PNPLA7: variants seen among roughly 807,000 people sequenced by gnomAD.
PNPLA7 encodes the protein patatin like domain 7, lysophospholipase, also known as patatin-like phospholipase domain-containing protein 7.
Under a neutral mutation model 161.7 loss-of-function variants are expected in PNPLA7, and 153 were observed. The ratio of observed to expected loss-of-function variants is 0.95; its 90% CI spans 0.83 to 1.08. The LOEUF (loss-of-function observed/expected upper bound fraction) is 1.08. Among genes scored for constraint, PNPLA7 ranks in the 50% least tolerant of loss-of-function variants. PNPLA7 has a pLI of 0.00. For synonymous variants in PNPLA7, 809 were observed against 782.1 expected (o/e 1.03, Z -0.57); for missense variants, 1,739 against 1,856.6 (o/e 0.94, Z 1.16).
intron 8 of PNPLA7, among the ~76,000 whole-genome samples, chr9:137,529,013 G>A (rs1018471381): frequency 6.6e-6 from 1 of 151,432 alleles, no homozygotes; most frequent in Admixed American, 6.6e-5. Flanking sequence ...TTTATTTTTT[G>A]AGAAACTGTC....
chr9:137,483,151 C>T (rs557125524), intron 21 of PNPLA7, among the ~76,000 whole-genome samples: 52 of 152,270 alleles, frequency 3.4e-4, no homozygotes, highest in African/African-American at 1.2e-3. Flanking sequence ...GGATTACAGG[C>T]GTGAGCCACC....
At chr9:137,478,601 G>A (rs953310102) in intron 24 of PNPLA7, 16 of 172,824 alleles carry the variant, frequency 9.3e-5, no homozygotes, top group African/African-American at 3.5e-4. Flanking sequence ...TGAGGACACC[G>A]GAATTAAAAG....
intron 20 of PNPLA7, 40 bp downstream of exon 20, chr9:137,492,972 GA>G (rs756295315): frequency 1.3e-6 from 2 of 1,592,396 alleles, no homozygotes; most frequent in Non-Finnish European, 1.7e-6. Flanking sequence ...AGGACTGGGT[GA>G]GGGCTCCCAG....
intron 25 of PNPLA7, among the ~76,000 whole-genome samples, chr9:137,477,775 C>G (rs563924121): frequency 1.4e-4 from 22 of 152,216 alleles, no homozygotes; most frequent in Middle Eastern, 3.2e-3. Flanking sequence ...ACAGTCAAAA[C>G]GAGATATGTC....
At chr9:137,474,856 C>CAAAA (rs750987273) in intron 25 of PNPLA7, among the ~76,000 whole-genome samples, 12 of 107,316 alleles carry the variant, frequency 1.1e-4, no homozygotes, top group African/African-American at 3.7e-4. Flanking sequence ...ACTAAAAATA[C>CAAAA]AAAAAAAAAA....
Position 137,541,333 on chromosome 9 carries a change from C to T in PNPLA7, c.667-611G>A. 3 of 792,726 alleles carry T rather than the reference C, an allele frequency of 3.8e-6. No homozygotes were observed. Among genetic ancestry groups the T allele is most frequent in the Non-Finnish European group, 4.6e-6 (3 of 653,930 alleles). The allele number at this position is 792,726 out of a possible 1,614,324, so 49.1% of individuals were successfully genotyped here. On this transcript the variant is annotated intron_variant, in intron 7 of 34. Coordinates refer to ENST00000406427, the MANE Select transcript of PNPLA7 (RefSeq NM_001098537.3). This position sits in a 1 kb window ranked among gnomAD's most constrained non-coding sequence, Gnocchi z 4.4. ...CTTCACCAGCTGGGCGGCCTCATCC[C>T]CAGGAGCTACTGGCTCCAGCTTCCC...
chr9:137,462,136 G>A lies in PNPLA7; in HGVS notation c.3645+43C>T, dbSNP rs372911107. 4.6e-5 allele frequency: 70 copies of A among 1,533,232 alleles called. No individual in the cohort carries two copies. In the African/African-American group the frequency reaches 6.0e-4, roughly 13 times the overall value. 95.0% of individuals were successfully genotyped at this position (1,533,232 alleles called of 1,614,324 possible). A position where few individuals can be genotyped will look rare whatever the true frequency, so the allele number is the denominator to read the frequency against. ...GAAGCGAGGAGGGGCAGCCACCAGA[G>A]TGCCTCCGCCCGCCTCCGCCGCCGC... On this transcript the variant is annotated intron_variant, in intron 31 of 34. Transcript: ENST00000406427.
In PNPLA7 at chr9:137,461,995, C is replaced by A; in HGVS notation, c.3692G>T (p.Arg1231Leu). The change falls in exon 32 of 35, where the codon CGC (arginine) becomes CTC (leucine). Residue 1231 changes from arginine (R) to leucine (L), a missense_variant. Physicochemically the swap from Arg to Leu is moderately radical, Grantham distance 102. Transcript: ENST00000406427. The stretch of plus-strand genomic sequence containing the variant: ...GAGCATCTTCTCCAGCACGCCGCTG[C>A]GGCCCCAGATGTCAAACACCGTGCG... Reference protein sequence around the residue: ...HGRTVFDIWGRSGVLEKMLRD... With the variant: ...HGRTVFDIWGLSGVLEKMLRD... 1 of 1,603,080 alleles carries A rather than the reference C, an allele frequency of 6.2e-7. No homozygotes were observed. Among genetic ancestry groups the A allele is most frequent in the East Asian group, 2.3e-5 (1 of 44,288 alleles).
At chr9:137,465,611 T>C (rs1047133632) in intron 26 of PNPLA7, among the ~76,000 whole-genome samples, 3 of 152,242 alleles carry the variant, frequency 2.0e-5, no homozygotes, top group Admixed American at 6.5e-5. Context: ...TGACTCATTT[T>C]AGGGAAAGAA....
rs1832722982 is a variant in PNPLA7, at chr9:137,490,725, A to G, written c.2197+2288T>C. ...CCAGAAGGAAACCTGAGATGCCGCA[A>G]ATGAAAGAAGAGCAGGAGGACGGTG... On this transcript the variant is annotated intron_variant, in intron 20 of 34. Transcript: ENST00000406427. This position sits in a 1 kb window ranked among gnomAD's most constrained non-coding sequence, Gnocchi z 4.1. Among the ~76,000 whole-genome samples the G allele has an allele frequency of 6.6e-6, 1 of 152,216 alleles. No individual in the cohort carries two copies. The highest frequency in any genetic ancestry group is 2.1e-4 in the South Asian group (1 of 4,834).
At chr9:137,470,244 G>A (rs997618791) in intron 25 of PNPLA7, among the ~76,000 whole-genome samples, 3 of 152,074 alleles carry the variant, frequency 2.0e-5, no homozygotes, top group South Asian at 4.2e-4. Flanking sequence ...TGGAACTCTC[G>A]GGCTCAAGAA....
At chr9:137,505,085 G>A (rs1331920700) in intron 14 of PNPLA7, among the ~76,000 whole-genome samples, 1 of 150,696 alleles carries the variant, frequency 6.6e-6, no homozygotes. Context: ...CTACTTGGGA[G>A]GCTGAGGCAG....
chr9:137,472,013 A>G (rs1228520016), intron 25 of PNPLA7, among the ~76,000 whole-genome samples: 1 of 152,030 alleles, frequency 6.6e-6, no homozygotes, highest in East Asian at 1.9e-4. Flanking sequence ...ATTGTCACTA[A>G]GGATAGAGAA....
In PNPLA7 at chr9:137,495,118, G is replaced by A. The variant is rs747765291; in HGVS notation, c.2042C>T (p.Ala681Val). 6 of 1,605,648 alleles carry A rather than the reference G, an allele frequency of 3.7e-6. No homozygotes were observed. The Admixed American group carries it at 5.0e-5, about 13-fold the overall frequency. ...VVETLTHQAR[A>V]TTVHAVRDSE... ...GTCCCGAACGGCATGCACCGTGGTC[G>A]CCCGGGCCTGGTGGGTCAGTGTCTC... The change falls in exon 19 of 35, where the codon GCG (alanine) becomes GTG (valine). Residue 681 changes from alanine (A) to valine (V), a missense_variant. Physicochemically the swap from Ala to Val is moderately conservative, Grantham distance 64. Around this residue, in one of 6 missense-constraint regions of PNPLA7, gnomAD observed 192 missense variants for 249.5 expected, o/e 0.77. Coordinates refer to ENST00000406427, the MANE Select transcript of PNPLA7 (RefSeq NM_001098537.3).
chr9:137,534,528 ACAG>A (rs1291118466), intron 8 of PNPLA7, among the ~76,000 whole-genome samples: 1 of 152,228 alleles, frequency 6.6e-6, no homozygotes, highest in Admixed American at 6.5e-5. Context: ...CAGTGCCACC[ACAG>A]CAGAACATAC....
chr9:137,463,507 G>A lies in PNPLA7; in HGVS notation c.3251C>T (p.Ala1084Val). The A allele has an allele frequency of 6.3e-7, 1 of 1,587,310 alleles. No homozygotes were observed. Among genetic ancestry groups the A allele is most frequent in the Non-Finnish European group, 8.6e-7 (1 of 1,167,202 alleles). The change falls in exon 29 of 35, where the codon GCC (alanine) becomes GTC (valine). Residue 1084 changes from alanine to valine, a missense_variant. Ala to Val is a moderately conservative substitution (Grantham distance 64). Coordinates refer to ENST00000406427, the MANE Select transcript of PNPLA7 (RefSeq NM_001098537.3). ...TDGSLWWYVR[A>V]SMSLSGYMPP... is the part of the protein sequence containing the mutation. The stretch of plus-strand genomic sequence containing the variant: ...CATGTAACCGGACAGGGACATGCTG[G>A]CACGCACGTACCACCACAGGGAGCC...
intron 33 of PNPLA7, 164 bp downstream of exon 33, chr9:137,461,372 G>T: frequency 1.4e-6 from 1 of 712,544 alleles, no homozygotes; most frequent in Non-Finnish European, 2.2e-6. Flanking sequence ...AACACGTGGT[G>T]CCCGGGACGG....
In PNPLA7 at chr9:137,550,302, G is replaced by A. The variant is rs575671549; in HGVS notation, c.-105C>T. The A allele has an allele frequency of 1.2e-3, 1,574 of 1,283,462 alleles. 28 individuals are homozygous for A. In the South Asian group the frequency reaches 0.018, roughly 15 times the overall value. The allele number at this position is 1,283,462 out of a possible 1,614,324, so 79.5% of individuals were successfully genotyped here. A position where few individuals can be genotyped will look rare whatever the true frequency, so the allele number is the denominator to read the frequency against. The stretch of plus-strand genomic sequence containing the variant: ...CTCACACCTGGACACTTTTCCCTGG[G>A]TTCCTTTCAAGTCAAATTATGTTTC... On this transcript the variant is annotated 5_prime_UTR_variant, in exon 1 of 35. Coordinates refer to ENST00000406427, the MANE Select transcript of PNPLA7 (RefSeq NM_001098537.3).
At chr9:137,469,511 A>C (rs1416836763) in intron 25 of PNPLA7, among the ~76,000 whole-genome samples, 2 of 152,230 alleles carry the variant, frequency 1.3e-5, no homozygotes, top group East Asian at 3.8e-4. Flanking sequence ...CCAAGGAAAG[A>C]AAAAACCTTT....
Sources: allele counts gnomAD v4.1 joint callset (sites outside exome capture counted in the v4.1 genomes callset), GRCh38; gene constraint gnomAD v4.1.1; regional missense constraint gnomAD v4.1.1; non-coding constraint Gnocchi (gnomAD v3.1); transcripts MANE v1.5; gene names NCBI Gene and HGNC (gene_info 2026-07-23, HGNC 2026-07-21).